Variants in ANKRD26 observed in about 807,000 individuals in gnomAD.
The protein encoded by ANKRD26 is ankyrin repeat domain 26.
A neutral mutation model predicts 208.7 loss-of-function variants in ANKRD26; 141 were observed. That is an observed-to-expected ratio of 0.68 (90% CI 0.59 to 0.78). ANKRD26 has a LOEUF of 0.78. ANKRD26 is among the 30% of genes least tolerant of loss of function. The probability of loss-of-function intolerance (pLI) is 0.00; values close to 1 mark genes in which losing one functional copy is unlikely to be tolerated. For synonymous variants in ANKRD26, 636 were observed against 660.4 expected (o/e 0.96, Z 0.57); for missense variants, 1,889 against 1,938.7 (o/e 0.97, Z 0.48).
chr10:27,022,728 GGC>G (rs1238410406), intron 28 of ANKRD26, 41 bp from the exon 29 acceptor site: 1 of 1,533,652 alleles, frequency 6.5e-7, no homozygotes, highest in East Asian at 2.4e-5. Context: ...GTTTTAAAAA[GGC>G]AAACATTTAA....
chr10:26,989,715 G>A (rs1424910660), downstream of ANKRD26, among the ~76,000 whole-genome samples: 1 of 152,160 alleles, frequency 6.6e-6, no homozygotes, highest in East Asian at 1.9e-4. Context: ...ATGAGAGGCT[G>A]CCACGGGGGC....
At chr10:27,020,419 C>G (rs2053447622) in intron 29 of ANKRD26, among the ~76,000 whole-genome samples, 1 of 152,038 alleles carries the variant, frequency 6.6e-6, no homozygotes. Flanking sequence ...GTAGCCATCA[C>G]CCAACACCTC....
intron 1 of ANKRD26, among the ~76,000 whole-genome samples, chr10:27,099,343 A>C (rs1355732477): frequency 6.6e-6 from 1 of 151,958 alleles, no homozygotes; most frequent in African/African-American, 2.4e-5. Context: ...ATTTATTCAC[A>C]AAATCCATTC....
At chr10:26,958,431 T>G in the ANKRD26 span, among the ~76,000 whole-genome samples, 1 of 152,152 alleles carries the variant, frequency 6.6e-6, no homozygotes, top group South Asian at 2.1e-4. Flanking sequence ...CTATTCTTGC[T>G]GATGCTCTCC....
chr10:26,951,180 T>C, the ANKRD26 span, among the ~76,000 whole-genome samples: 2 of 152,096 alleles, frequency 1.3e-5, no homozygotes, highest in African/African-American at 2.4e-5. Context: ...TATGCAGTGA[T>C]TGACAACCTC....
chr10:26,990,340 T>TA (rs2052463748), downstream of ANKRD26, among the ~76,000 whole-genome samples: 1 of 152,152 alleles, frequency 6.6e-6, no homozygotes, highest in South Asian at 2.1e-4. Flanking sequence ...CCTCCTAACT[T>TA]AGAGTTCTCT....
chr10:27,094,547 G>A (rs943984714), intron 1 of ANKRD26, among the ~76,000 whole-genome samples: 1 of 152,176 alleles, frequency 6.6e-6, no homozygotes, highest in African/African-American at 2.4e-5. Flanking sequence ...GGACACCACT[G>A]GGATGCTTAC....
chr10:26,950,354 T>C, the ANKRD26 span, among the ~76,000 whole-genome samples: 3 of 152,144 alleles, frequency 2.0e-5, no homozygotes, highest in Non-Finnish European at 4.4e-5. Context: ...TCCAGAGCCA[T>C]GCATAACTGT....
chr10:27,024,879 G>T (rs1459307293), intron 27 of ANKRD26, among the ~76,000 whole-genome samples: 1 of 152,110 alleles, frequency 6.6e-6, no homozygotes, highest in Non-Finnish European at 1.5e-5. Flanking sequence ...TAGAAACACT[G>T]TCATCAGTAG....
chr10:27,081,439 T>G (rs1006193378), intron 6 of ANKRD26, among the ~76,000 whole-genome samples: 1 of 152,156 alleles, frequency 6.6e-6, no homozygotes, highest in African/African-American at 2.4e-5. Context: ...ACCTGTAGGA[T>G]GATAAAGAAG....
intron 30 of ANKRD26, 89 bp downstream of exon 30, chr10:27,017,413 T>G: frequency 1.5e-6 from 2 of 1,372,988 alleles, no homozygotes; most frequent in Non-Finnish European, 2.1e-6. Context: ...CAAATTGCTA[T>G]AAGGGATGTA....
At chr10:26,969,355 G>A (rs2052111842), downstream of ANKRD26, among the ~76,000 whole-genome samples, 1 of 152,214 alleles carries the variant, frequency 6.6e-6, no homozygotes, top group South Asian at 2.1e-4. Flanking sequence ...AAAGAGAAAT[G>A]TTTTTGTGGC....
rs535737907 is a variant in ANKRD26, at chr10:27,022,675, G to A, written c.4098C>T (p.Leu1366=). ...LEREITGFKN[L]LKMTRKKLNE... is the part of the protein sequence containing the mutation. The stretch of plus-strand genomic sequence containing the variant: ...TTAACTTCTTTCTTGTCATTTTTAA[G>A]AGGTTCTTAAATCTGCAGGAAGGTA... The change falls in exon 29 of 34, where the codon CTC becomes CTT. Residue 1366 remains leucine, a synonymous_variant. Coordinates refer to ENST00000376087, the MANE Select transcript of ANKRD26 (RefSeq NM_014915.3). The A allele has an allele frequency of 2.5e-6, 4 of 1,585,926 alleles. No individual in the cohort carries two copies. The African/African-American group carries it at 4.0e-5, about 16-fold the overall frequency.
chr10:26,973,514 C>T (rs79800313), downstream of ANKRD26, among the ~76,000 whole-genome samples: 4,209 of 151,384 alleles, frequency 0.028, 106 homozygotes, highest in Non-Finnish European at 0.039. Context: ...CTCCTTATGG[C>T]ATAAGAGGCT....
rs1027313664 is a variant in ANKRD26, at chr10:27,082,739, C to A, written c.740+64G>T. On this transcript the variant is annotated intron_variant, in intron 6 of 33. Transcript: ENST00000376087. ...AATATGGTGTCTACCCAGAGTAGGGCACTCAACAGTTTCTTTTCTCTGTAT... is the reference window on the plus strand; with the variant it reads ...AATATGGTGTCTACCCAGAGTAGGGAACTCAACAGTTTCTTTTCTCTGTAT... 2.6e-6 allele frequency: 4 copies of A among 1,525,092 alleles called. No individual in the cohort carries two copies. In the African/African-American group the frequency reaches 5.6e-5, roughly 21 times the overall value. 94.5% of individuals were successfully genotyped at this position (1,525,092 alleles called of 1,614,324 possible).
intron 17 of ANKRD26, among the ~76,000 whole-genome samples, chr10:27,047,722 C>CTACTACTAATAA (rs1235967013): frequency 1.5e-3 from 218 of 145,136 alleles, no homozygotes; most frequent in African/African-American, 5.1e-3. Flanking sequence ...ACTACTACTA[C>CTACTACTAATAA]TAATAATAAT....
chr10:27,025,886 C>T lies in ANKRD26; in HGVS notation c.3973-1327G>A, dbSNP rs538108146. ...ATATTCTCAACCACACACTCATAAA[C>T]CATTACTTGGTGCAGATTCCTTTTG... On this transcript the variant is annotated intron_variant, in intron 27 of 33. Transcript: ENST00000376087. Among the ~76,000 whole-genome samples the T allele has an allele frequency of 3.9e-5, 6 of 152,260 alleles. No individual in the cohort carries two copies. In the South Asian group the frequency reaches 1.0e-3, roughly 26 times the overall value.
At chr10:26,984,586 A>G (rs1198539038) in intron 3 of ANKRD26, among the ~76,000 whole-genome samples, 1 of 152,182 alleles carries the variant, frequency 6.6e-6, no homozygotes, top group African/African-American at 2.4e-5. Flanking sequence ...CCTCATCTTC[A>G]GGGAGGGCAC....
downstream of ANKRD26, among the ~76,000 whole-genome samples, chr10:26,988,960 G>C (rs1049983825): frequency 6.6e-6 from 1 of 152,074 alleles, no homozygotes; most frequent in African/African-American, 2.4e-5. Context: ...TATGGTGGTG[G>C]GGAAGGGGAG....
Sources: gnomAD v4.1 joint callset for allele counts (sites outside exome capture counted in the v4.1 genomes callset) on GRCh38, gnomAD v4.1.1 for gene constraint, MANE v1.5 for transcripts, NCBI Gene and HGNC (gene_info 2026-07-23, HGNC 2026-07-21) for gene names.